Variants in SLMAP observed in about 807,000 individuals in gnomAD.
The protein encoded by SLMAP is sarcolemma associated protein.
In SLMAP, 44 loss-of-function variants were observed where a neutral mutation model predicts 128.8. The observed-to-expected ratio is 0.34, with a 90% CI of 0.27 to 0.44. SLMAP has a LOEUF of 0.44. SLMAP is among the 20% of genes least tolerant of loss of function. The pLI is 1.00. For synonymous variants in SLMAP, 327 were observed against 348.8 expected (o/e 0.94, Z 0.70); for missense variants, 787 against 985.3 (o/e 0.80, Z 2.69).
chr3:57,918,795 GCA>G (rs1405988223), intron 22 of SLMAP, among the ~76,000 whole-genome samples: 1 of 152,028 alleles, frequency 6.6e-6, no homozygotes, highest in African/African-American at 2.4e-5. Context: ...TGCTTAATAT[GCA>G]CAGTGTCTAA....
chr3:57,828,706 A>G (rs2093105965), intron 2 of SLMAP, among the ~76,000 whole-genome samples: 3 of 152,334 alleles, frequency 2.0e-5, no homozygotes, highest in Non-Finnish European at 4.4e-5. Context: ...ACGGAGGCCA[A>G]AGGTACCATG....
intron 2 of SLMAP, among the ~76,000 whole-genome samples, chr3:57,786,731 A>ATTTTT (rs35138483): frequency 1.5e-4 from 13 of 88,738 alleles, no homozygotes; most frequent in Non-Finnish European, 2.2e-4. Context: ...TAGTCTTTGT[A>ATTTTT]TTTTTTTTTT....
chr3:57,908,102 A>T (rs943550611), intron 18 of SLMAP, 96 bp downstream of exon 18: 3 of 1,140,274 alleles, frequency 2.6e-6, no homozygotes, highest in East Asian at 4.9e-5. Context: ...CATGTTCCAG[A>T]TTCACAACTT....
Position 57,841,316 on chromosome 3 carries a change from G to A in SLMAP, c.364G>A (p.Val122Ile). The stretch of plus-strand genomic sequence containing the variant: ...TCAACCAGTTACCCATGGGTGTATT[G>A]TTTCCACAATAAAACTTTTTCTACC... ...NTRKVTHGCI[V>I]STIKLFLPDG... is the part of the protein sequence containing the mutation. Residue 122 changes from valine (V) to isoleucine (I), a missense_variant, in exon 4 of 25, where the codon GTT becomes ATT. Physicochemically the swap from Val to Ile is conservative, Grantham distance 29. This residue lies in a region of SLMAP where 715 missense variants were observed against 843.6 expected (regional missense o/e 0.85). Transcript: ENST00000671191. 6.2e-7 allele frequency: 1 copy of A among 1,606,274 alleles called. No homozygotes were observed. The highest frequency in any genetic ancestry group is 1.3e-5 in the African/African-American group (1 of 74,696).
intron 2 of SLMAP, among the ~76,000 whole-genome samples, chr3:57,823,397 T>A (rs1454362402): frequency 6.6e-6 from 1 of 150,962 alleles, no homozygotes; most frequent in Admixed American, 6.6e-5. Flanking sequence ...CAGTCCCCGG[T>A]GTGTGATGTT....
chr3:57,876,639 G>A lies in SLMAP; in HGVS notation c.1300+4941G>A, dbSNP rs1041823114. Among the ~76,000 whole-genome samples, 111 of 152,290 alleles carry A rather than the reference G, an allele frequency of 7.3e-4. 4 individuals carry two copies. The highest frequency in any genetic ancestry group is 1.9e-3 in the South Asian group (9 of 4,830). On this transcript the variant is annotated intron_variant, in intron 14 of 24. Transcript: ENST00000671191. ...AAATTTTAGTTACTTAAAGTTTACC[G>A]TATAAACTTAATGGATACATTGAAA...
chr3:57,921,500 C>T (rs887721962), intron 22 of SLMAP, among the ~76,000 whole-genome samples: 1 of 151,860 alleles, frequency 6.6e-6, no homozygotes, highest in Non-Finnish European at 1.5e-5. Context: ...GCAGCAGGTG[C>T]CCGTAATCGC....
At chr3:57,859,246 G>A (rs533893142) in intron 8 of SLMAP, among the ~76,000 whole-genome samples, 34 of 151,298 alleles carry the variant, frequency 2.2e-4, no homozygotes, top group African/African-American at 6.8e-4. Context: ...GCTTAAACCC[G>A]GTGGGGGTGG....
chr3:57,794,168 A>G (rs988927401), intron 2 of SLMAP, among the ~76,000 whole-genome samples: 3 of 151,936 alleles, frequency 2.0e-5, no homozygotes, highest in Non-Finnish European at 4.4e-5. Context: ...TTTTCTCCCT[A>G]TTCTGAAACT....
chr3:57,891,646 A>G (rs981443897), intron 15 of SLMAP, among the ~76,000 whole-genome samples: 6 of 150,954 alleles, frequency 4.0e-5, no homozygotes, highest in Admixed American at 6.6e-5. Flanking sequence ...GCACAATCTC[A>G]GCTCACTGCA....
intron 2 of SLMAP, among the ~76,000 whole-genome samples, chr3:57,780,081 C>A (rs1425098373): frequency 6.6e-6 from 1 of 151,610 alleles, no homozygotes; most frequent in Non-Finnish European, 1.5e-5. Context: ...TATTTACATT[C>A]TAAATGGAAT....
At chr3:57,842,937 A>G (rs1016229865) in intron 4 of SLMAP, among the ~76,000 whole-genome samples, 1 of 152,206 alleles carries the variant, frequency 6.6e-6, no homozygotes, top group Admixed American at 6.5e-5. Flanking sequence ...CTGTGACTTG[A>G]TCAGGCAACA....
chr3:57,917,814 G>A (rs984049819), intron 22 of SLMAP: 1 of 152,132 alleles, frequency 6.6e-6, no homozygotes, highest in African/African-American at 2.4e-5. Context: ...GCCAGCTCGG[G>A]GAATGGAGAA....
At chr3:57,875,398 C>T (rs1417364720) in intron 14 of SLMAP, among the ~76,000 whole-genome samples, 1 of 152,036 alleles carries the variant, frequency 6.6e-6, no homozygotes, top group Non-Finnish European at 1.5e-5. Context: ...TGCCTGTGTC[C>T]CAGCTACTCA....
intron 14 of SLMAP, among the ~76,000 whole-genome samples, chr3:57,874,546 C>A (rs954044993): frequency 6.6e-6 from 1 of 151,492 alleles, no homozygotes; most frequent in Non-Finnish European, 1.5e-5. Context: ...CATACTGAGA[C>A]TCCGTCTCTT....
chr3:57,821,992 C>G (rs1215028447), intron 2 of SLMAP, among the ~76,000 whole-genome samples: 1 of 151,944 alleles, frequency 6.6e-6, no homozygotes, highest in African/African-American at 2.4e-5. Context: ...TAAATGCTTC[C>G]TTAGCAACTG....
chr3:57,864,470 T>C, intron 10 of SLMAP, 78 bp from the exon 11 acceptor site: 2 of 881,414 alleles, frequency 2.3e-6, no homozygotes, highest in Non-Finnish European at 3.5e-6. Flanking sequence ...GAAGTTTAAG[T>C]GAATAAAGGC....
chr3:57,795,691 G>C (rs895481212), intron 2 of SLMAP, among the ~76,000 whole-genome samples: 1 of 152,080 alleles, frequency 6.6e-6, no homozygotes, highest in East Asian at 1.9e-4. Context: ...AACATAAAAT[G>C]TACCATTTGT....
chr3:57,881,459 A>G (rs2095741137), intron 14 of SLMAP, among the ~76,000 whole-genome samples: 3 of 152,108 alleles, frequency 2.0e-5, no homozygotes, highest in African/African-American at 4.8e-5. Flanking sequence ...TAGATTTTTT[A>G]TTTATTATTA....
Sources: gnomAD v4.1 joint callset for allele counts (sites outside exome capture counted in the v4.1 genomes callset) on GRCh38, gnomAD v4.1.1 for gene constraint, gnomAD v4.1.1 regional missense constraint, MANE v1.5 for transcripts, NCBI Gene and HGNC (gene_info 2026-07-23, HGNC 2026-07-21) for gene names.